Variants in CSMD1 observed in about 807,000 individuals in gnomAD.
CSMD1 encodes CUB and sushi domain-containing protein 1.
Under a neutral mutation model 417.5 loss-of-function variants are expected in CSMD1, and 213 were observed. The ratio of observed to expected loss-of-function variants is 0.51; its 90% CI spans 0.46 to 0.57. The LOEUF is 0.57. Among genes scored for constraint, CSMD1 ranks in the 20% least tolerant of loss-of-function variants. The probability of loss-of-function intolerance (pLI) is 0.00; values close to 1 mark genes in which losing one functional copy is unlikely to be tolerated. For synonymous variants in CSMD1, 2,862 were observed against 1,736.8 expected (o/e 1.65, Z -16.11); for missense variants, 6,923 against 4,529.7 (o/e 1.53, Z -15.17).
chr8:3,179,006 G>C (rs1821120320), intron 37 of CSMD1, among the ~76,000 whole-genome samples: 1 of 148,066 alleles, frequency 6.8e-6, no homozygotes, highest in South Asian at 2.1e-4. Context: ...GGAGTGCAGT[G>C]GCGCGATCTT....
At chr8:3,444,468 TG>T (rs1815177653) in intron 12 of CSMD1, among the ~76,000 whole-genome samples, 1 of 152,192 alleles carries the variant, frequency 6.6e-6, no homozygotes, top group Non-Finnish European at 1.5e-5. Context: ...AGAGCAGTAG[TG>T]CTCAACCAGT....
chr8:4,477,404 T>C (rs1477815509), intron 2 of CSMD1, among the ~76,000 whole-genome samples: 1 of 152,186 alleles, frequency 6.6e-6, no homozygotes, highest in African/African-American at 2.4e-5. Context: ...TCTCGGGGAC[T>C]TGGTGCTGAG....
intron 1 of CSMD1, among the ~76,000 whole-genome samples, chr8:4,882,090 C>T (rs1020288179): frequency 6.6e-6 from 1 of 152,006 alleles, no homozygotes; most frequent in Non-Finnish European, 1.5e-5. Flanking sequence ...AATAAGCCCT[C>T]ATTTAACCAC....
At chr8:3,370,063 G>A (rs1057140615) in intron 18 of CSMD1, among the ~76,000 whole-genome samples, 2 of 152,144 alleles carry the variant, frequency 1.3e-5, no homozygotes, top group African/African-American at 4.8e-5. Context: ...TGATTAAAAT[G>A]GTACCTACTG....
chr8:4,217,117 T>A (rs1313664665), intron 3 of CSMD1, among the ~76,000 whole-genome samples: 2 of 152,206 alleles, frequency 1.3e-5, no homozygotes, highest in Non-Finnish European at 2.9e-5. Flanking sequence ...GTTGGTGTAG[T>A]GCTAGTCTAC....
At chr8:4,802,277 G>A (rs541660748) in intron 1 of CSMD1, among the ~76,000 whole-genome samples, 261 of 152,174 alleles carry the variant, frequency 1.7e-3, no homozygotes, top group Non-Finnish European at 2.7e-3. Context: ...CTCAGCCAAG[G>A]CTTCGTGGTT....
At chr8:4,809,940 T>A (rs1798800293) in intron 1 of CSMD1, among the ~76,000 whole-genome samples, 2 of 152,202 alleles carry the variant, frequency 1.3e-5, no homozygotes, top group Admixed American at 1.3e-4. Flanking sequence ...CTAAATCAGT[T>A]TCTTCACCTG....
chr8:4,125,580 C>G (rs1802716742), intron 3 of CSMD1, among the ~76,000 whole-genome samples: 1 of 152,192 alleles, frequency 6.6e-6, no homozygotes, highest in South Asian at 2.1e-4. Flanking sequence ...TTAACTGAGA[C>G]TGAAACTGCC....
At chr8:4,027,645 C>A (rs1439043467) in intron 4 of CSMD1, among the ~76,000 whole-genome samples, 1 of 152,146 alleles carries the variant, frequency 6.6e-6, no homozygotes, top group Non-Finnish European at 1.5e-5. Flanking sequence ...ATTACCCAGT[C>A]TCAGGTATTT....
chr8:4,032,337 G>GA (rs1391233250), intron 3 of CSMD1, among the ~76,000 whole-genome samples: 2 of 152,122 alleles, frequency 1.3e-5, no homozygotes, highest in Non-Finnish European at 2.9e-5. Flanking sequence ...TGTTAAGAGA[G>GA]AAAAATATAG....
intron 5 of CSMD1, among the ~76,000 whole-genome samples, chr8:3,876,002 T>C (rs1805790506): frequency 6.6e-6 from 1 of 152,212 alleles, no homozygotes; most frequent in Non-Finnish European, 1.5e-5. Context: ...CATTTCTTCC[T>C]ACAGTTCTAT....
At chr8:4,101,583 A>G (rs567854900) in intron 3 of CSMD1, among the ~76,000 whole-genome samples, 1 of 152,360 alleles carries the variant, frequency 6.6e-6, no homozygotes, top group South Asian at 2.1e-4. Flanking sequence ...ACAGAAGTAC[A>G]TTTTAAAATA....
intron 1 of CSMD1, among the ~76,000 whole-genome samples, chr8:4,732,350 T>TGC (rs1475005542): frequency 1.4e-5 from 2 of 145,278 alleles, no homozygotes; most frequent in East Asian, 2.1e-4. Flanking sequence ...TCTGCGTGTG[T>TGC]GTGTGTGTGT....
At chr8:4,166,653 G>A (rs1429453122) in intron 3 of CSMD1, among the ~76,000 whole-genome samples, 4 of 152,098 alleles carry the variant, frequency 2.6e-5, no homozygotes, top group South Asian at 2.1e-4. Flanking sequence ...ATTGGGTACC[G>A]TGTACACTGC....
intron 7 of CSMD1, among the ~76,000 whole-genome samples, chr8:3,636,668 G>C (rs902632521): frequency 6.6e-6 from 1 of 152,170 alleles, no homozygotes; most frequent in East Asian, 1.9e-4. Flanking sequence ...CTTCTCCCTA[G>C]TCTTGATCCT....
At chr8:3,108,770 G>A in intron 43 of CSMD1, 22 bp from the exon 44 acceptor site, 1 of 1,594,702 alleles carries the variant, frequency 6.3e-7, no homozygotes, top group Non-Finnish European at 8.6e-7. Context: ...AGAAAGAGGT[G>A]GCTGGCTAAG....
intron 3 of CSMD1, among the ~76,000 whole-genome samples, chr8:4,415,092 G>A (rs1436745568): frequency 4.6e-5 from 7 of 152,132 alleles, no homozygotes; most frequent in East Asian, 3.9e-4. Context: ...ATCTCACGGA[G>A]TAAGTTTTCT....
intron 2 of CSMD1, among the ~76,000 whole-genome samples, chr8:4,431,317 G>A (rs1013417410): frequency 1.3e-5 from 2 of 152,096 alleles, no homozygotes; most frequent in Non-Finnish European, 2.9e-5. Flanking sequence ...TTTACTTCGT[G>A]ATTTTCTTAA....
intron 25 of CSMD1, among the ~76,000 whole-genome samples, chr8:3,303,120 G>A (rs1185308820): frequency 1.3e-5 from 2 of 152,228 alleles, no homozygotes; most frequent in African/African-American, 2.4e-5. Context: ...GGTCTATAGT[G>A]ATGTTGATAG....
Sources: allele counts gnomAD v4.1 joint callset (sites outside exome capture counted in the v4.1 genomes callset), GRCh38; gene constraint gnomAD v4.1.1; transcripts MANE v1.5; gene names NCBI Gene and HGNC (gene_info 2026-07-23, HGNC 2026-07-21).